MYO1D: variants seen among roughly 807,000 people sequenced by gnomAD.
MYO1D encodes the protein unconventional myosin-Id.
MYO1D carries 83 observed loss-of-function variants against 122.0 expected under a neutral mutation model. The observed-to-expected ratio is 0.68, with a 90% CI of 0.57 to 0.82. The LOEUF (loss-of-function observed/expected upper bound fraction) is 0.82, where lower values mean the gene tolerates loss of function less well. MYO1D is among the 40% of genes least tolerant of loss of function. MYO1D has a pLI of 0.00. For synonymous variants in MYO1D, 464 were observed against 446.9 expected (o/e 1.04, Z -0.48); for missense variants, 1,157 against 1,269.5 (o/e 0.91, Z 1.35).
At chr17:32,698,147 T>G (rs142491281) in intron 16 of MYO1D, among the ~76,000 whole-genome samples, 107 of 152,328 alleles carry the variant, frequency 7.0e-4, no homozygotes, top group African/African-American at 2.4e-3. Context: ...TTGTAATGAC[T>G]TAGTTAAATA....
chr17:32,714,481 G>A (rs2089417839), intron 15 of MYO1D, among the ~76,000 whole-genome samples: 1 of 152,024 alleles, frequency 6.6e-6, no homozygotes, highest in African/African-American at 2.4e-5. Context: ...TTCATTGATG[G>A]GCATTTGGGT....
chr17:32,870,150 T>C (rs1026973409), intron 1 of MYO1D, among the ~76,000 whole-genome samples: 4 of 152,132 alleles, frequency 2.6e-5, no homozygotes, highest in Non-Finnish European at 5.9e-5. Context: ...TCACTCCAAA[T>C]GGCAGCTCCA....
At chr17:32,553,087 AAAACAAAAAAC>A (rs2087033757) in intron 21 of MYO1D, among the ~76,000 whole-genome samples, 1 of 134,272 alleles carries the variant, frequency 7.4e-6, no homozygotes, top group Non-Finnish European at 1.5e-5. Flanking sequence ...CAAAAAAAAA[AAAACAAAAAAC>A]AAAACAAAAA....
intron 21 of MYO1D, among the ~76,000 whole-genome samples, chr17:32,570,396 G>A (rs1415543923): frequency 6.6e-6 from 1 of 151,792 alleles, no homozygotes. Flanking sequence ...ACAGAGTCTC[G>A]CTGTGTCGCC....
At chr17:32,563,464 A>ACCTCAG (rs1278870256) in intron 21 of MYO1D, among the ~76,000 whole-genome samples, 2 of 151,496 alleles carry the variant, frequency 1.3e-5, no homozygotes, top group East Asian at 3.9e-4. Context: ...TGATTCACCC[A>ACCTCAG]CCTCAGCCTC....
At chr17:32,759,889 T>C (rs892527237) in intron 10 of MYO1D, 13 of 487,090 alleles carry the variant, frequency 2.7e-5, no homozygotes, top group Non-Finnish European at 4.7e-5. Context: ...TAAAATACCA[T>C]ATAGTCTACA....
chr17:32,594,991 T>A (rs1233127021), intron 21 of MYO1D, among the ~76,000 whole-genome samples: 1 of 152,226 alleles, frequency 6.6e-6, no homozygotes, highest in Non-Finnish European at 1.5e-5. Flanking sequence ...GCATTCAACA[T>A]ACTCATGGCT....
chr17:32,495,037 G>A (rs774821183), intron 21 of MYO1D, 122 bp from the exon 22 acceptor site: 8 of 1,272,076 alleles, frequency 6.3e-6, no homozygotes, highest in Non-Finnish European at 7.5e-6. Context: ...AGTGCCAGGA[G>A]GATGCCTGAA....
At chr17:32,631,538 T>C (rs745790568) in intron 20 of MYO1D, among the ~76,000 whole-genome samples, 1 of 151,952 alleles carries the variant, frequency 6.6e-6, no homozygotes, top group Admixed American at 6.6e-5. Flanking sequence ...TCCTAGCTAC[T>C]TGGAAGGCTG....
intron 1 of MYO1D, among the ~76,000 whole-genome samples, chr17:32,845,802 G>C (rs780278596): frequency 3.3e-5 from 5 of 152,206 alleles, no homozygotes; most frequent in Non-Finnish European, 5.9e-5. Flanking sequence ...TCACAGAACT[G>C]ATGTGATTCC....
chr17:32,803,354 G>A (rs572991881), intron 1 of MYO1D, among the ~76,000 whole-genome samples: 3 of 152,078 alleles, frequency 2.0e-5, no homozygotes, highest in Non-Finnish European at 4.4e-5. Context: ...CACCGTGTTA[G>A]CCAGGATGGT....
intron 14 of MYO1D, 97 bp from the exon 15 acceptor site, chr17:32,721,286 C>T: frequency 9.3e-7 from 1 of 1,072,180 alleles, no homozygotes; most frequent in Non-Finnish European, 1.4e-6. Flanking sequence ...TCAAGTTAAG[C>T]TCAGTGCCTC....
intron 14 of MYO1D, among the ~76,000 whole-genome samples, chr17:32,732,796 G>C (rs1192654423): frequency 6.6e-6 from 1 of 152,210 alleles, no homozygotes; most frequent in Non-Finnish European, 1.5e-5. Flanking sequence ...TGTGGGTGAC[G>C]AGGAGTGAAG....
At chr17:32,535,481 C>T (rs1300959099) in intron 21 of MYO1D, among the ~76,000 whole-genome samples, 1 of 152,204 alleles carries the variant, frequency 6.6e-6, no homozygotes, top group Non-Finnish European at 1.5e-5. Context: ...GGCGCGGTGG[C>T]TCACGCCTAT....
intron 1 of MYO1D, among the ~76,000 whole-genome samples, chr17:32,852,499 A>T (rs1036323502): frequency 6.6e-6 from 1 of 152,196 alleles, no homozygotes; most frequent in African/African-American, 2.4e-5. Context: ...TACCAAGAAG[A>T]ATTGTGATCT....
At chr17:32,689,650 C>T (rs931929389) in intron 16 of MYO1D, among the ~76,000 whole-genome samples, 3 of 152,082 alleles carry the variant, frequency 2.0e-5, no homozygotes, top group Non-Finnish European at 2.9e-5. Flanking sequence ...CATATATTTT[C>T]ACTTAACATT....
At chr17:32,700,630 A>AAAG (rs1555644394) in intron 16 of MYO1D, among the ~76,000 whole-genome samples, 1 of 15,592 alleles carries the variant, frequency 6.4e-5, no homozygotes, top group African/African-American at 3.8e-4. Flanking sequence ...TGATGAAGAT[A>AAAG]AAAAAATTAA....
At chr17:32,732,659 C>T (rs1022279249) in intron 14 of MYO1D, among the ~76,000 whole-genome samples, 7 of 152,334 alleles carry the variant, frequency 4.6e-5, no homozygotes, top group Admixed American at 4.6e-4. Flanking sequence ...TTGCCTTGCT[C>T]ACCCTCTATT....
At chr17:32,511,918 G>A (rs1909708618) in intron 21 of MYO1D, among the ~76,000 whole-genome samples, 1 of 152,136 alleles carries the variant, frequency 6.6e-6, no homozygotes, top group African/African-American at 2.4e-5. Flanking sequence ...GGATAGAGGA[G>A]TTAACAGGAT....
Sources: gnomAD v4.1 joint callset for allele counts (sites outside exome capture counted in the v4.1 genomes callset) on GRCh38, gnomAD v4.1.1 for gene constraint, MANE v1.5 for transcripts, NCBI Gene and HGNC (gene_info 2026-07-23, HGNC 2026-07-21) for gene names.